ALG5: variants seen among roughly 807,000 people sequenced by gnomAD.
ALG5 encodes the protein dolichyl-phosphate beta-glucosyltransferase.
ALG5 carries 26 observed loss-of-function variants against 51.8 expected under a neutral mutation model. The observed-to-expected ratio is 0.50, with a 90% CI of 0.37 to 0.70. The LOEUF (loss-of-function observed/expected upper bound fraction) is 0.70, where lower values mean the gene tolerates loss of function less well. ALG5 is among the 30% of genes least tolerant of loss of function. The pLI is 0.00. For missense variants in ALG5, 311 were observed against 399.3 expected (o/e 0.78, Z 1.88); for synonymous variants, 141 against 136.1 (o/e 1.04, Z -0.25).
At chr13:36,985,487 A>G (rs906622543) in intron 6 of ALG5, 140 bp downstream of exon 6, 11 of 549,728 alleles carry the variant, frequency 2.0e-5, no homozygotes, top group Non-Finnish European at 3.2e-5. Flanking sequence ...CAGTTCCTCT[A>G]TGGGGCTGTA....
chr13:36,964,919 C>CAAA (rs34435719), intron 8 of ALG5, among the ~76,000 whole-genome samples: 8 of 136,840 alleles, frequency 5.8e-5, no homozygotes, highest in Admixed American at 7.3e-5. Context: ...GAGCGAAACT[C>CAAA]AAAAAAAAAA....
At chr13:36,956,507 G>A (rs2058840267) in intron 8 of ALG5, among the ~76,000 whole-genome samples, 1 of 152,218 alleles carries the variant, frequency 6.6e-6, no homozygotes, top group Non-Finnish European at 1.5e-5. Context: ...AAATCAGTAT[G>A]TTGAGGAGAT....
At chr13:36,955,349 G>A (rs2058834790) in intron 8 of ALG5, among the ~76,000 whole-genome samples, 1 of 152,128 alleles carries the variant, frequency 6.6e-6, no homozygotes, top group Admixed American at 6.5e-5. Flanking sequence ...AAGAATGAGT[G>A]TTAAAAAGAA....
At chr13:36,991,394 C>A (rs1295642111) in intron 4 of ALG5, among the ~76,000 whole-genome samples, 1 of 152,208 alleles carries the variant, frequency 6.6e-6, no homozygotes, top group Admixed American at 6.5e-5. Flanking sequence ...TAAATGTCAG[C>A]TACTTAAAGG....
At chr13:36,995,743 C>T (rs1025666652) in intron 1 of ALG5, 147 bp from the exon 2 acceptor site, 1 of 734,926 alleles carries the variant, frequency 1.4e-6, no homozygotes, top group Non-Finnish European at 2.1e-6. Flanking sequence ...CTAGAGGTGA[C>T]TCCAAAATTA....
chr13:36,963,629 CAT>C (rs1380354245), intron 8 of ALG5, among the ~76,000 whole-genome samples: 1 of 151,076 alleles, frequency 6.6e-6, no homozygotes, highest in Non-Finnish European at 1.5e-5. Context: ...AATAAAAACA[CAT>C]ATCTAAATTT....
At chr13:36,962,422 A>C (rs1410401589) in intron 8 of ALG5, among the ~76,000 whole-genome samples, 2 of 152,256 alleles carry the variant, frequency 1.3e-5, no homozygotes, top group Non-Finnish European at 2.9e-5. Flanking sequence ...CCAAATAAAC[A>C]TAATGTACCC....
chr13:36,970,703 A>G (rs1418944829), intron 7 of ALG5, among the ~76,000 whole-genome samples: 1 of 152,232 alleles, frequency 6.6e-6, no homozygotes. Context: ...ACCTAAGGTC[A>G]GGAGTTTGAG....
intron 6 of ALG5, among the ~76,000 whole-genome samples, chr13:36,984,841 A>G (rs1157781217): frequency 6.6e-6 from 1 of 152,056 alleles, no homozygotes; most frequent in East Asian, 1.9e-4. Flanking sequence ...GAGTGTCTTG[A>G]ACAAGGTACA....
chr13:36,959,992 T>C (rs1233112795), intron 8 of ALG5, among the ~76,000 whole-genome samples: 1 of 151,994 alleles, frequency 6.6e-6, no homozygotes, highest in East Asian at 1.9e-4. Flanking sequence ...TAAGGGATAA[T>C]TATACTCTTG....
chr13:36,968,496 G>A (rs1307867096), intron 7 of ALG5, among the ~76,000 whole-genome samples: 1 of 152,156 alleles, frequency 6.6e-6, no homozygotes, highest in Non-Finnish European at 1.5e-5. Flanking sequence ...AGAATAGCCA[G>A]ACCATATATA....
At chr13:36,960,483 T>C (rs569058765) in intron 8 of ALG5, among the ~76,000 whole-genome samples, 7 of 152,222 alleles carry the variant, frequency 4.6e-5, no homozygotes, top group African/African-American at 1.7e-4. Context: ...AAAGTATTCA[T>C]TGAAGCAAAG....
intron 8 of ALG5, among the ~76,000 whole-genome samples, chr13:36,958,561 G>A (rs9594177): frequency 0.029 from 4,417 of 152,204 alleles, 197 homozygotes; most frequent in African/African-American, 0.1. Flanking sequence ...AATCTCAACT[G>A]CATGACCCCT....
rs2058811348 is a variant in ALG5 at position 36,949,982 on chromosome 13, G to A, written c.935C>T (p.Thr312Ile). ...AGTTTGCTCAAGCCTCCAGGCACCA[G>A]TCAAATATCGAAGTCGTATAAAAAG... ...DLLFIRLRYL[T>I]GAWRLEQTRK... Residue 312 changes from threonine (T) to isoleucine (I), a missense_variant, in exon 10 of 10, where the codon ACT (threonine) becomes ATT (isoleucine). By Grantham distance (89) the Thr-to-Ile change is moderately conservative (BLOSUM62 -1). Coordinates refer to ENST00000239891, the MANE Select transcript of ALG5 (RefSeq NM_013338.5). The A allele has an allele frequency of 6.2e-7, 1 of 1,613,178 alleles. No homozygotes were observed. Among genetic ancestry groups the A allele is most frequent in the South Asian group, 1.1e-5 (1 of 90,930 alleles).
intron 1 of ALG5, among the ~76,000 whole-genome samples, chr13:36,997,466 C>CAAAAAAAAAAAAAAAAAA (rs57878611): frequency 2.6e-5 from 2 of 78,130 alleles, no homozygotes; most frequent in East Asian, 4.1e-4. Context: ...GACTCCGTCT[C>CAAAAAAAAAAAAAAAAAA]AAAAAAAAAA....
At chr13:36,955,850 A>G (rs781595160) in intron 8 of ALG5, among the ~76,000 whole-genome samples, 24 of 152,180 alleles carry the variant, frequency 1.6e-4, no homozygotes, top group Non-Finnish European at 5.9e-5. Flanking sequence ...CTCAACATGG[A>G]TTAAAGACTT....
chr13:36,960,057 C>A (rs1005452703), intron 8 of ALG5, among the ~76,000 whole-genome samples: 29 of 152,068 alleles, frequency 1.9e-4, no homozygotes, highest in African/African-American at 7.0e-4. Flanking sequence ...CAAACAAAAA[C>A]CCCAAACATT....
Position 36,993,630 on chromosome 13 carries a change from C to T in ALG5, c.328G>A (p.Asp110Asn). ...AFTYEVIVVD[D>N]GSKDQTSKVA... The stretch of plus-strand genomic sequence containing the variant: ...TTTGAGGTCTGATCTTTACTGCCAT[C>T]ATCAACTACTATCACTTCATAAGTG... Residue 110 changes from aspartate (D) to asparagine (N), a missense_variant, in exon 4 of 10, where the codon GAT becomes AAT. By Grantham distance (23) the Asp-to-Asn change is conservative (BLOSUM62 1). Transcript: ENST00000239891. 6.2e-7 allele frequency: 1 copy of T among 1,613,776 alleles called. No homozygotes were observed. Among genetic ancestry groups the T allele is most frequent in the East Asian group, 2.2e-5 (1 of 44,868 alleles).
At chr13:36,995,174 A>C in intron 2 of ALG5, 139 bp from the exon 3 acceptor site, 1 of 822,318 alleles carries the variant, frequency 1.2e-6, no homozygotes, top group South Asian at 1.7e-5. Context: ...CCCATCTGAA[A>C]TCCTGCCTTC....
Sources: allele counts gnomAD v4.1 joint callset (sites outside exome capture counted in the v4.1 genomes callset), GRCh38; gene constraint gnomAD v4.1.1; transcripts MANE v1.5; gene names NCBI Gene and HGNC (gene_info 2026-07-23, HGNC 2026-07-21).